The following NPAS3 variants were observed in gnomAD, a reference collection of about 807,000 sequenced individuals.
The protein encoded by NPAS3 is neuronal PAS domain protein 3, also known as neuronal PAS domain-containing protein 3.
A neutral mutation model predicts 73.1 loss-of-function variants in NPAS3; 14 were observed. The ratio of observed to expected loss-of-function variants is 0.19; its 90% CI spans 0.13 to 0.30. The LOEUF (loss-of-function observed/expected upper bound fraction) is 0.30. NPAS3 is among the 10% of genes least tolerant of loss of function. The probability of loss-of-function intolerance (pLI) is 1.00; values close to 1 mark genes in which losing one functional copy is unlikely to be tolerated. For synonymous variants in NPAS3, 620 were observed against 541.5 expected, an observed-to-expected ratio of 1.14 and a Z score of -2.01; for missense variants, 1,096 against 1,250.0, an observed-to-expected ratio of 0.88 and a Z score of 1.86.
chr14:33,657,886 G>A (rs1185729606), intron 5 of NPAS3, among the ~76,000 whole-genome samples: 3 of 152,158 alleles, frequency 2.0e-5, no homozygotes, highest in South Asian at 2.1e-4. Flanking sequence ...ATGTCAAATT[G>A]ACTGCAGGAA....
chr14:33,272,689 T>C (rs2041149376), intron 3 of NPAS3, among the ~76,000 whole-genome samples: 2 of 152,146 alleles, frequency 1.3e-5, no homozygotes, highest in South Asian at 4.1e-4. Flanking sequence ...AGTGCTGGGA[T>C]TACAGATGTG....
In NPAS3 at chr14:33,308,527, T is replaced by TATATATAC; in HGVS notation, c.386-58658_386-58657insTATATACA. 3.9e-5 allele frequency among the ~76,000 whole-genome samples: 4 copies of TATATATAC among 103,730 alleles called. 1 individual carries two copies. The highest frequency in any genetic ancestry group is 1.9e-4 in the Admixed American group (2 of 10,554). The allele number at this position is 103,730 out of a possible 152,430, so 68.1% of individuals were successfully genotyped here. ...TGCATAGTTTATATATATATATATA[T>TATATATAC]ACATACACACACACACACACACACA... On this transcript the variant is annotated intron_variant, in intron 3 of 11. Transcript: ENST00000356141.
chr14:33,385,597 A>G (rs2046743279), intron 4 of NPAS3, among the ~76,000 whole-genome samples: 1 of 152,124 alleles, frequency 6.6e-6, no homozygotes, highest in Non-Finnish European at 1.5e-5. Context: ...ACTCTTTTCA[A>G]ACACACTGAA....
intron 3 of NPAS3, among the ~76,000 whole-genome samples, chr14:33,237,128 C>T (rs1398220514): frequency 7.9e-5 from 12 of 152,052 alleles, no homozygotes; most frequent in South Asian, 4.1e-4. Context: ...ACAGAGCAAC[C>T]GTGGATACAT....
chr14:33,678,013 G>A (rs866289582), intron 6 of NPAS3, among the ~76,000 whole-genome samples: 5 of 152,094 alleles, frequency 3.3e-5, no homozygotes, highest in Non-Finnish European at 5.9e-5. Flanking sequence ...ACTCAAACAC[G>A]CAGCATGAAA....
In NPAS3 at chr14:33,606,589, A is replaced by G. The variant is rs2057575028; in HGVS notation, c.558+46379A>G. On this transcript the variant is annotated intron_variant, in intron 5 of 11. Coordinates refer to ENST00000356141, the Ensembl canonical transcript of NPAS3. ...TCCATACCATTCACCATATAAAAAA[A>G]TTAACTCAAAGAGGATCATAGACCT... 2.0e-5 allele frequency among the ~76,000 whole-genome samples: 3 copies of G among 152,354 alleles called. No homozygotes were observed. The South Asian group carries it at 6.2e-4, about 32-fold the overall frequency.
intron 1 of NPAS3, among the ~76,000 whole-genome samples, chr14:33,055,169 G>A (rs189886173): frequency 6.6e-6 from 1 of 152,254 alleles, no homozygotes; most frequent in Non-Finnish European, 1.5e-5. Flanking sequence ...GAAATGGCCA[G>A]AAAACATCTC....
intron 1 of NPAS3, among the ~76,000 whole-genome samples, chr14:32,957,162 A>G (rs964360815): frequency 1.3e-5 from 2 of 152,134 alleles, no homozygotes; most frequent in Admixed American, 6.6e-5. Context: ...CCATCTCTAT[A>G]CTATGCTCTT....
At chr14:33,416,152 G>C (rs746619584) in intron 4 of NPAS3, among the ~76,000 whole-genome samples, 1 of 152,172 alleles carries the variant, frequency 6.6e-6, no homozygotes, top group African/African-American at 2.4e-5. Flanking sequence ...ATCTTCACAA[G>C]TGGAAAGCTA....
chr14:33,745,742 T>C (rs1359742500), intron 7 of NPAS3, among the ~76,000 whole-genome samples: 2 of 152,230 alleles, frequency 1.3e-5, no homozygotes, highest in African/African-American at 2.4e-5. Context: ...ATAAATGATT[T>C]CTTCCAAATA....
chr14:33,544,925 CTTATT>C (rs1452291334), intron 4 of NPAS3, among the ~76,000 whole-genome samples: 28 of 146,488 alleles, frequency 1.9e-4, no homozygotes, highest in African/African-American at 7.1e-4. Context: ...TAGAATAGTT[CTTATT>C]TTAAAATGGT....
chr14:33,241,081 GA>G (rs2048200036), intron 3 of NPAS3, among the ~76,000 whole-genome samples: 1 of 151,838 alleles, frequency 6.6e-6, no homozygotes. Flanking sequence ...CTTCTTTTAA[GA>G]GTGCTTCTGG....
intron 3 of NPAS3, among the ~76,000 whole-genome samples, chr14:33,344,096 G>C (rs936506696): frequency 6.6e-6 from 1 of 152,158 alleles, no homozygotes; most frequent in African/African-American, 2.4e-5. Context: ...ATTAGCATGA[G>C]TGGCTTAAAA....
intron 1 of NPAS3, among the ~76,000 whole-genome samples, chr14:32,975,192 A>G (rs889047103): frequency 6.6e-6 from 1 of 152,050 alleles, no homozygotes; most frequent in Non-Finnish European, 1.5e-5. Flanking sequence ...GTCTTTTAAT[A>G]CTACCAGCAC....
At chr14:33,345,642 C>T (rs915029166) in intron 3 of NPAS3, among the ~76,000 whole-genome samples, 1 of 152,094 alleles carries the variant, frequency 6.6e-6, no homozygotes, top group African/African-American at 2.4e-5. Flanking sequence ...TCACAAAATC[C>T]GGGTTAGCCA....
At chr14:33,624,402 G>A (rs2058165261) in intron 5 of NPAS3, among the ~76,000 whole-genome samples, 1 of 152,084 alleles carries the variant, frequency 6.6e-6, no homozygotes, top group Non-Finnish European at 1.5e-5. Context: ...ATAGGATTTG[G>A]GGGATTTGTG....
intron 1 of NPAS3, among the ~76,000 whole-genome samples, chr14:33,015,149 A>G (rs907896373): frequency 5.9e-5 from 9 of 152,186 alleles, no homozygotes; most frequent in Admixed American, 5.2e-4. Flanking sequence ...CTGCTGATCA[A>G]TGTATTTAGG....
chr14:33,624,379 CG>C (rs1366080090), intron 5 of NPAS3, among the ~76,000 whole-genome samples: 2 of 152,230 alleles, frequency 1.3e-5, no homozygotes, highest in East Asian at 3.9e-4. Flanking sequence ...GGTTCCTAAC[CG>C]GGTCTCTTTG....
intron 1 of NPAS3, among the ~76,000 whole-genome samples, chr14:33,002,745 A>G (rs1484799129): frequency 6.6e-6 from 1 of 152,204 alleles, no homozygotes; most frequent in Non-Finnish European, 1.5e-5. Flanking sequence ...GATGATTTGA[A>G]TGACTGTAAT....
Sources: gnomAD v4.1 joint callset for allele counts (sites outside exome capture counted in the v4.1 genomes callset) on GRCh38, gnomAD v4.1.1 for gene constraint, MANE v1.5 for transcripts, NCBI Gene and HGNC (gene_info 2026-07-23, HGNC 2026-07-21) for gene names.